The following MYLK3 variants were observed in gnomAD, a reference collection of about 807,000 sequenced individuals.
MYLK3 encodes MLC kinase.
A neutral mutation model predicts 76.3 loss-of-function variants in MYLK3; 55 were observed. The ratio of observed to expected loss-of-function variants is 0.72; its 90% CI spans 0.58 to 0.90. MYLK3 has a LOEUF of 0.90. Among genes scored for constraint, MYLK3 ranks in the 40% least tolerant of loss-of-function variants. The probability of loss-of-function intolerance (pLI) is 0.00; values close to 1 mark genes in which losing one functional copy is unlikely to be tolerated. For synonymous variants in MYLK3, 416 were observed against 425.4 expected (o/e 0.98, Z 0.27); for missense variants, 973 against 1,053.6 (o/e 0.92, Z 1.06).
At chr16:46,760,002 G>T (rs188861944) in intron 1 of MYLK3, among the ~76,000 whole-genome samples, 133 of 152,230 alleles carry the variant, frequency 8.7e-4, no homozygotes, top group African/African-American at 3.2e-3. Flanking sequence ...TTCTATGAGG[G>T]GCTACATCTT....
rs2143011860 is a variant in MYLK3, at chr16:46,704,626, A to G, written c.*3078T>C. 1 of 152,234 alleles carries G rather than the reference A, an allele frequency of 6.6e-6. No homozygotes were observed. Among genetic ancestry groups the G allele is most frequent in the South Asian group, 2.1e-4 (1 of 4,832 alleles). The allele number at this position is 152,234 out of a possible 1,614,324, so 9.4% of individuals were successfully genotyped here. On this transcript the variant is annotated 3_prime_UTR_variant, in exon 13 of 13. Coordinates refer to ENST00000394809, the MANE Select transcript of MYLK3 (RefSeq NM_182493.3). The stretch of plus-strand genomic sequence containing the variant: ...TTGATTACATATTGAAATATTTTTG[A>G]TACACTAAGTTATATAAATTATTAA...
intron 3 of MYLK3, among the ~76,000 whole-genome samples, chr16:46,735,434 G>A (rs1050527855): frequency 3.3e-5 from 5 of 152,122 alleles, no homozygotes; most frequent in African/African-American, 1.2e-4. Context: ...TTGAACTCTT[G>A]ACCTCAGCTG....
chr16:46,734,373 G>T (rs565362087), intron 3 of MYLK3, among the ~76,000 whole-genome samples: 1 of 152,228 alleles, frequency 6.6e-6, no homozygotes, highest in African/African-American at 2.4e-5. Flanking sequence ...CAGCGCTTTG[G>T]GAGGCCAAGG....
chr16:46,755,318 C>T (rs947030189), intron 1 of MYLK3, among the ~76,000 whole-genome samples: 1 of 151,982 alleles, frequency 6.6e-6, no homozygotes, highest in African/African-American at 2.4e-5. Context: ...ATTAACTGGG[C>T]ATGGTGGTGG....
chr16:46,758,428 C>A (rs575397040), intron 1 of MYLK3, among the ~76,000 whole-genome samples: 1 of 152,136 alleles, frequency 6.6e-6, no homozygotes, highest in East Asian at 1.9e-4. Context: ...ACAGCCCCTG[C>A]GCTGAGCGCT....
intron 9 of MYLK3, among the ~76,000 whole-genome samples, chr16:46,714,724 G>A (rs371164935): frequency 1.1e-4 from 16 of 152,266 alleles, no homozygotes; most frequent in African/African-American, 3.9e-4. Context: ...CCCACTGACA[G>A]TGGGCCCATG....
At chr16:46,758,412 G>A (rs1205118861) in intron 1 of MYLK3, among the ~76,000 whole-genome samples, 7 of 151,362 alleles carry the variant, frequency 4.6e-5, no homozygotes, top group African/African-American at 1.2e-4. Context: ...GCTTCTGTAC[G>A]CACTCACAGC....
At chr16:46,742,447 AACACACACACACACACAC>A (rs57671045) in intron 1 of MYLK3, among the ~76,000 whole-genome samples, 57 of 131,188 alleles carry the variant, frequency 4.3e-4, no homozygotes, top group African/African-American at 1.2e-3. Flanking sequence ...TCCCAGCAAA[AACACACACACACACACAC>A]ACACACACAC....
chr16:46,729,597 G>A lies in MYLK3; in HGVS notation c.1659C>T (p.Asp553=), dbSNP rs201506640. 1.2e-6 allele frequency: 2 copies of A among 1,613,578 alleles called. No homozygotes were observed. Among genetic ancestry groups the A allele is most frequent in the East Asian group, 4.5e-5 (2 of 44,886 alleles). The change falls in exon 6 of 13, where the codon GAC becomes GAT. Residue 553 remains aspartate, a synonymous_variant. Transcript: ENST00000394809. The part of the protein sequence containing the change: ...AKIIKVKSAK[D]REDVKNEINI... ...CTGGCCCAGCCAGATGCCTCACCCGGTCCTTGGCGCTCTTCACTTTGATGA... is the reference window on the plus strand; with the variant it reads ...CTGGCCCAGCCAGATGCCTCACCCGATCCTTGGCGCTCTTCACTTTGATGA...
At chr16:46,708,194 T>TA (rs1966646731) in intron 12 of MYLK3, among the ~76,000 whole-genome samples, 1 of 152,058 alleles carries the variant, frequency 6.6e-6, no homozygotes, top group Non-Finnish European at 1.5e-5. Flanking sequence ...TTTGTAAAGA[T>TA]ACAGTCTCAC....
At chr16:46,762,477 C>T (rs1449128999) in intron 1 of MYLK3, among the ~76,000 whole-genome samples, 2 of 152,102 alleles carry the variant, frequency 1.3e-5, no homozygotes, top group African/African-American at 4.8e-5. Flanking sequence ...AATAGACTCC[C>T]GCAGGACCCC....
chr16:46,748,866 C>T (rs1442646226), upstream of MYLK3, among the ~76,000 whole-genome samples: 2 of 152,156 alleles, frequency 1.3e-5, no homozygotes. The surrounding 1 kb of genome is among the most constrained non-coding windows in gnomAD (Gnocchi z 4.3). Flanking sequence ...CCCTCCCCAC[C>T]GGAGCCCTCA....
chr16:46,721,013 T>G (rs1179888431), intron 9 of MYLK3, 110 bp downstream of exon 9: 4 of 948,050 alleles, frequency 4.2e-6, no homozygotes, highest in East Asian at 2.4e-5. Context: ...AGAGCTTTCT[T>G]GCATCAGTTC....
intron 1 of MYLK3, among the ~76,000 whole-genome samples, chr16:46,742,886 G>C (rs1966957141): frequency 6.6e-6 from 1 of 152,188 alleles, no homozygotes; most frequent in Non-Finnish European, 1.5e-5. Context: ...CCCGGAGCTG[G>C]GGGAACTGGA....
At position 46,732,613 on chromosome 16, in the gene MYLK3, T is replaced by C. The variant is rs1446512973; in HGVS notation, c.1057A>G (p.Arg353Gly). 3.2e-6 allele frequency: 5 copies of C among 1,574,404 alleles called. No homozygotes were observed. In the African/African-American group the frequency reaches 5.4e-5, roughly 17 times the overall value. Residue 353 changes from arginine (R) to glycine (G), a missense_variant, in exon 4 of 13, where the codon AGG becomes GGG. This residue lies in a region of MYLK3 where 641 missense variants were observed against 637.0 expected (regional missense o/e 1.01). Transcript: ENST00000394809. ...DTPGEMLMTG[R>G]GSLGPTLTTE... ...GTGAGGGTGGGTCCAAGGCTGCCCCTGCCTGTCATCAGCATCTCCCCAGGA... is the reference window on the plus strand; with the variant it reads ...GTGAGGGTGGGTCCAAGGCTGCCCCCGCCTGTCATCAGCATCTCCCCAGGA...
intron 3 of MYLK3, among the ~76,000 whole-genome samples, chr16:46,734,794 T>A (rs547937639): frequency 1.3e-5 from 2 of 152,234 alleles, no homozygotes; most frequent in East Asian, 3.9e-4. Context: ...GTCCTGGAGA[T>A]CTGTCTCACA....
Position 46,758,717 on chromosome 16 carries a change from A to G in MYLK3, c.-114+4323T>C, listed in dbSNP as rs528174850. On this transcript the variant is annotated intron_variant, in intron 1 of 11. Coordinates refer to the MYLK3 transcript ENST00000536476. The stretch of plus-strand genomic sequence containing the variant: ...CCAGAGATGGGAAGGGGCTTTCTGA[A>G]GGTCACACAGCACGTAAGTAGCAAA... 1.1e-3 allele frequency among the ~76,000 whole-genome samples: 162 copies of G among 152,278 alleles called. No individual in the cohort carries two copies. In the Middle Eastern group the frequency reaches 0.031, roughly 29 times the overall value.
rs1388421441 is a variant in MYLK3 at position 46,729,100 on chromosome 16, G to A, written c.1696C>T (p.Gln566Ter). 6.2e-7 allele frequency: 1 copy of A among 1,614,110 alleles called. No homozygotes were observed. The highest frequency in any genetic ancestry group is 1.7e-5 in the Admixed American group (1 of 60,024). Residue 566 changes from glutamine (Q) to a stop codon, truncating the protein, a stop_gained, in exon 7 of 13, where the codon CAG becomes TAG. Transcript: ENST00000394809. LOFTEE classifies it high-confidence loss of function. ...TGGATCAGGTTCACGTGGCTGAGCT[G>A]GTTCATGATGTTGATCTCGTTCTTC... ...DVKNEINIMN[Q>*]LSHVNLIQLY...
At chr16:46,729,780 GCCATGTGGA>G in intron 5 of MYLK3, 93 bp from the exon 6 acceptor site, 2 of 1,092,012 alleles carry the variant, frequency 1.8e-6, no homozygotes, top group Non-Finnish European at 2.8e-6. Flanking sequence ...CCACACACAG[GCCATGTGGA>G]CCATCCTACA....
Sources: allele counts gnomAD v4.1 joint callset (sites outside exome capture counted in the v4.1 genomes callset), GRCh38; gene constraint gnomAD v4.1.1; regional missense constraint gnomAD v4.1.1; non-coding constraint Gnocchi (gnomAD v3.1); transcripts MANE v1.5; gene names NCBI Gene and HGNC (gene_info 2026-07-23, HGNC 2026-07-21).